CYP2C19: variants seen among roughly 807,000 people sequenced by gnomAD.
CYP2C19 encodes cytochrome P450 2C19.
A neutral mutation model predicts 40.9 loss-of-function variants in CYP2C19; 59 were observed. The observed-to-expected ratio is 1.44, with a 90% CI of 1.17 to 1.79. CYP2C19 has a LOEUF of 1.79. CYP2C19 is among the 40% of genes most tolerant of loss of function. The pLI is 0.00. For missense variants in CYP2C19, 754 were observed against 596.9 expected (o/e 1.26, Z -2.74); for synonymous variants, 253 against 208.7 (o/e 1.21, Z -1.83).
chr10:94,834,288 T>C (rs995295340), intron 6 of CYP2C19, among the ~76,000 whole-genome samples: 1 of 152,154 alleles, frequency 6.6e-6, no homozygotes. Flanking sequence ...TATTGGCATA[T>C]AGTTGCTCAT....
At chr10:94,837,864 G>A (rs117957417) in intron 6 of CYP2C19, among the ~76,000 whole-genome samples, 1,617 of 152,340 alleles carry the variant, frequency 0.011, 13 homozygotes, top group Non-Finnish European at 0.017. Flanking sequence ...ATCCCCTGGG[G>A]CAGTGGCCCT....
At position 94,806,625 on chromosome 10, in the gene CYP2C19, TATAA is replaced by T. The variant is rs888257966; in HGVS notation, c.820-13867_820-13864del. Among the ~76,000 whole-genome samples, 463 of 148,146 alleles carry T rather than the reference TATAA, an allele frequency of 3.1e-3. 3 individuals carry two copies. The highest frequency in any genetic ancestry group is 0.011 in the African/African-American group (440 of 40,950). On this transcript the variant is annotated intron_variant, in intron 5 of 8. Coordinates refer to ENST00000371321, the MANE Select transcript of CYP2C19 (RefSeq NM_000769.4). ...ACTTATTATTTATTTATTAATAATT[TATAA>T]ATATTACAAATTATAATAATGCAAA...
intron 4 of CYP2C19, among the ~76,000 whole-genome samples, chr10:94,781,301 T>G (rs1250156938): frequency 6.6e-6 from 1 of 152,194 alleles, no homozygotes; most frequent in Admixed American, 6.5e-5. Flanking sequence ...TGTATGATTT[T>G]ACAGAAGTCA....
intron 6 of CYP2C19, among the ~76,000 whole-genome samples, chr10:94,833,010 T>C (rs1849355584): frequency 6.6e-6 from 1 of 152,206 alleles, no homozygotes; most frequent in South Asian, 2.1e-4. Context: ...GTATTTTATT[T>C]TATATATGGC....
chr10:94,799,514 CT>C, intron 5 of CYP2C19, among the ~76,000 whole-genome samples: 1 of 152,156 alleles, frequency 6.6e-6, no homozygotes, highest in African/African-American at 2.4e-5. Context: ...ATCTTTGTGG[CT>C]TTCTCTGTGT....
In CYP2C19 at chr10:94,762,728, T is replaced by G. The variant is rs757485026; in HGVS notation, c.23T>G (p.Val8Gly). Residue 8 changes from valine (V) to glycine (G), a missense_variant, in exon 1 of 9, where the codon GTG (valine) becomes GGG (glycine). Coordinates refer to ENST00000371321, the MANE Select transcript of CYP2C19 (RefSeq NM_000769.4). ...TCAATGGATCCTTTTGTGGTCCTTG[T>G]GCTCTGTCTCTCATGTTTGCTTCTC... is the stretch of plus-strand genomic sequence containing the variant. MDPFVVL[V>G]LCLSCLLLLS... The G allele has an allele frequency of 2.5e-6, 4 of 1,613,612 alleles. No individual in the cohort carries two copies. Among genetic ancestry groups the G allele is most frequent in the Admixed American group, 1.7e-5 (1 of 60,006 alleles).
intron 1 of CYP2C19, chr10:94,774,667 G>T: frequency 4.7e-6 from 1 of 211,028 alleles, no homozygotes; most frequent in South Asian, 7.8e-5. Flanking sequence ...CAAGAGTGCT[G>T]ATAAATTTCT....
chr10:94,851,071 C>A (rs528143075), intron 8 of CYP2C19, among the ~76,000 whole-genome samples: 18 of 152,226 alleles, frequency 1.2e-4, no homozygotes, highest in African/African-American at 4.3e-4. Flanking sequence ...TCAGTCCATT[C>A]TTTCATTGCT....
intron 6 of CYP2C19, among the ~76,000 whole-genome samples, chr10:94,829,765 T>G (rs566179152): frequency 1.3e-5 from 2 of 151,768 alleles, no homozygotes; most frequent in East Asian, 3.9e-4. Flanking sequence ...TCTGTTCTGT[T>G]TTTTCCCCAT....
chr10:94,820,871 G>A (rs188705974), intron 6 of CYP2C19, among the ~76,000 whole-genome samples: 2 of 152,134 alleles, frequency 1.3e-5, no homozygotes, highest in Non-Finnish European at 2.9e-5. Context: ...GACCATTGAG[G>A]CTAGGAGTTC....
intron 5 of CYP2C19, among the ~76,000 whole-genome samples, chr10:94,801,829 G>A (rs1003827935): frequency 6.6e-6 from 1 of 152,026 alleles, no homozygotes; most frequent in Non-Finnish European, 1.5e-5. Flanking sequence ...CATTGTGTCT[G>A]GATTTTGTTC....
At chr10:94,843,069 C>A (rs111960804) in intron 7 of CYP2C19, 45 bp downstream of exon 7, 1 of 1,602,100 alleles carries the variant, frequency 6.2e-7, no homozygotes, top group Non-Finnish European at 8.6e-7. Flanking sequence ...TCTTTTATTC[C>A]TCAAATTCAC....
In CYP2C19 at chr10:94,852,734, A is replaced by C. The variant is rs773833388; in HGVS notation, c.1293A>C (p.Gly431=). 5.6e-6 allele frequency: 9 copies of C among 1,613,634 alleles called. No homozygotes were observed. The highest frequency in any genetic ancestry group is 1.3e-5 in the African/African-American group (1 of 74,900). The change falls in exon 9 of 9, where the codon GGA becomes GGC. Residue 431 remains glycine, a splice_region_variant and synonymous_variant. Coordinates refer to ENST00000371321, the MANE Select transcript of CYP2C19 (RefSeq NM_000769.4). ...KSNYFMPFSA[G]KRICVGEGLA... is the part of the protein sequence containing the mutation. ...TCTCCCTATGTTTGTTATTTTCAGG[A>C]AAACGGATTTGTGTGGGAGAGGGCC... is the stretch of plus-strand genomic sequence containing the variant.
At chr10:94,828,940 T>A (rs1301350443) in intron 6 of CYP2C19, among the ~76,000 whole-genome samples, 1 of 151,850 alleles carries the variant, frequency 6.6e-6, no homozygotes, top group African/African-American at 2.4e-5. Context: ...TTTGGCTGGA[T>A]ATGAAATTCT....
chr10:94,786,851 T>C (rs559219652), intron 5 of CYP2C19, among the ~76,000 whole-genome samples: 4 of 152,270 alleles, frequency 2.6e-5, no homozygotes, highest in Non-Finnish European at 4.4e-5. Context: ...TGATTTTTTT[T>C]ATGGCTGCAT....
intron 6 of CYP2C19, among the ~76,000 whole-genome samples, chr10:94,825,174 T>C (rs1849196089): frequency 6.9e-6 from 1 of 145,724 alleles, no homozygotes; most frequent in African/African-American, 2.6e-5. Flanking sequence ...ATATACTCAG[T>C]AATGGGATGG....
In CYP2C19 at chr10:94,808,559, G is replaced by GC. The variant is rs370890482; in HGVS notation, c.820-11937_820-11936insC. ...ATTATAACTATTTTTGTACCAATTA[G>GC]AATTTCCACTCCCCTTCACCCACTC... On this transcript the variant is annotated intron_variant, in intron 5 of 8. Coordinates refer to ENST00000371321, the MANE Select transcript of CYP2C19 (RefSeq NM_000769.4). Among the ~76,000 whole-genome samples the GC allele has an allele frequency of 4.7e-3, 714 of 152,100 alleles. 4 individuals carry two copies. Among genetic ancestry groups the GC allele is most frequent in the African/African-American group, 0.011 (469 of 41,524 alleles).
intron 5 of CYP2C19, among the ~76,000 whole-genome samples, chr10:94,817,952 G>A (rs957656674): frequency 9.1e-5 from 13 of 142,222 alleles, no homozygotes; most frequent in African/African-American, 2.9e-4. Context: ...GGCGGAGCTT[G>A]CAGTGAGCCG....
At chr10:94,812,544 A>C (rs369690324) in intron 5 of CYP2C19, among the ~76,000 whole-genome samples, 1 of 151,936 alleles carries the variant, frequency 6.6e-6, no homozygotes, top group Non-Finnish European at 1.5e-5. Context: ...TTCACATAGC[A>C]CCACATTTCT....
Sources: gnomAD v4.1 joint callset for allele counts (sites outside exome capture counted in the v4.1 genomes callset) on GRCh38, gnomAD v4.1.1 for gene constraint, MANE v1.5 for transcripts, NCBI Gene and HGNC (gene_info 2026-07-23, HGNC 2026-07-21) for gene names.